The following CGNL1 variants were observed in gnomAD, a reference collection of about 807,000 sequenced individuals.
CGNL1 encodes cingulin like 1.
Under a neutral mutation model 141.2 loss-of-function variants are expected in CGNL1, and 132 were observed. That is an observed-to-expected ratio of 0.93 (90% CI 0.81 to 1.08). The LOEUF (loss-of-function observed/expected upper bound fraction) is 1.08. Among genes scored for constraint, CGNL1 ranks in the 50% least tolerant of loss-of-function variants. CGNL1 has a pLI of 0.00. For missense variants in CGNL1, 1,870 were observed against 1,588.6 expected, an observed-to-expected ratio of 1.18 and a Z score of -3.01; for synonymous variants, 690 against 622.1, an observed-to-expected ratio of 1.11 and a Z score of -1.63.
intron 15 of CGNL1, among the ~76,000 whole-genome samples, chr15:57,544,163 G>A (rs1156405530): frequency 1.3e-5 from 2 of 152,166 alleles, no homozygotes; most frequent in Non-Finnish European, 1.5e-5. Flanking sequence ...TATTTCTCCT[G>A]TCCCCCTGTA....
chr15:57,545,952 G>T, intron 17 of CGNL1, 124 bp from the exon 18 acceptor site: 1 of 1,100,036 alleles, frequency 9.1e-7, no homozygotes, highest in South Asian at 1.6e-5. Flanking sequence ...TGTTTCCCAA[G>T]AGACTGGCTG....
intron 1 of CGNL1, among the ~76,000 whole-genome samples, chr15:57,381,861 C>A (rs562161149): frequency 3.3e-5 from 5 of 152,270 alleles, no homozygotes; most frequent in South Asian, 4.2e-4. Context: ...AAGGCCACTG[C>A]GACCTTGTGA....
chr15:57,531,906 T>C, intron 14 of CGNL1, 127 bp downstream of exon 14: 1 of 641,484 alleles, frequency 1.6e-6, no homozygotes, highest in East Asian at 2.7e-5. Context: ...TGATGGAAGA[T>C]TGAATAGTCA....
intron 1 of CGNL1, chr15:57,402,749 T>G (rs2062674277): frequency 6.6e-6 from 1 of 152,248 alleles, no homozygotes; most frequent in South Asian, 2.1e-4. Context: ...CCAATGGCAT[T>G]GAGGTAAAGA....
intron 7 of CGNL1, among the ~76,000 whole-genome samples, chr15:57,461,101 G>C (rs986379965): frequency 2.0e-5 from 3 of 152,312 alleles, no homozygotes; most frequent in Admixed American, 2.0e-4. Context: ...GTGATTTATA[G>C]TGGAGCCTGT....
chr15:57,528,826 C>A lies in CGNL1; in HGVS notation c.3201+11C>A. On this transcript the variant is annotated intron_variant, in intron 13 of 18. Coordinates refer to ENST00000281282, the MANE Select transcript of CGNL1 (RefSeq NM_032866.5). ...GTCAAGCAGATGGAGGTCTGTGGGC[C>A]GTACAGTGTGAGCTGGGGGACCTGC... The A allele has an allele frequency of 6.2e-7, 1 of 1,612,536 alleles. No individual in the cohort carries two copies. Among genetic ancestry groups the A allele is most frequent in the Non-Finnish European group, 8.5e-7 (1 of 1,179,498 alleles).
chr15:57,501,169 A>G (rs372446068), intron 8 of CGNL1, among the ~76,000 whole-genome samples: 12 of 152,320 alleles, frequency 7.9e-5, no homozygotes, highest in East Asian at 5.8e-4. Context: ...GGCCCTGCCC[A>G]GAAGGGCTCC....
At chr15:57,415,702 C>T (rs1321129228) in intron 1 of CGNL1, among the ~76,000 whole-genome samples, 4 of 152,234 alleles carry the variant, frequency 2.6e-5, no homozygotes, top group Admixed American at 2.6e-4. Flanking sequence ...TCCTCCATCA[C>T]TCTTGTCTCC....
intron 7 of CGNL1, 108 bp downstream of exon 7, chr15:57,453,926 T>C (rs1222300095): frequency 1.8e-5 from 23 of 1,256,754 alleles, no homozygotes; most frequent in Non-Finnish European, 2.5e-5. Flanking sequence ...GCACACCTGC[T>C]CCACCTGTGC....
chr15:57,438,930 A>G lies in CGNL1; in HGVS notation c.931A>G (p.Arg311Gly). 2 of 1,614,192 alleles carry G rather than the reference A, an allele frequency of 1.2e-6. No individual in the cohort carries two copies. Among genetic ancestry groups the G allele is most frequent in the African/African-American group, 1.3e-5 (1 of 75,048 alleles). Residue 311 changes from arginine to glycine, a missense_variant, in exon 2 of 19, where the codon AGG becomes GGG. Coordinates refer to ENST00000281282, the MANE Select transcript of CGNL1 (RefSeq NM_032866.5). Reference sequence around the variant, plus strand: ...TCCCACGTCAGCCAACTCTTTGTACAGGTTTTTACTGGATGATCAGGAATG... The same window carrying G: ...TCCCACGTCAGCCAACTCTTTGTACGGGTTTTTACTGGATGATCAGGAATG... ...TTPTSANSLY[R>G]FLLDDQECAI...
At chr15:57,455,141 C>G (rs1454443755) in intron 7 of CGNL1, among the ~76,000 whole-genome samples, 1 of 152,088 alleles carries the variant, frequency 6.6e-6, no homozygotes, top group Non-Finnish European at 1.5e-5. Context: ...AGAAGATAAA[C>G]CACAATATAT....
intron 8 of CGNL1, among the ~76,000 whole-genome samples, chr15:57,468,335 G>T (rs930054626): frequency 1.4e-5 from 2 of 142,086 alleles, no homozygotes; most frequent in Non-Finnish European, 3.0e-5. Flanking sequence ...CCGCCTCCTG[G>T]GTTCAAGCCA....
chr15:57,434,033 C>T (rs1186514110), intron 1 of CGNL1, among the ~76,000 whole-genome samples: 1 of 140,838 alleles, frequency 7.1e-6, no homozygotes, highest in Non-Finnish European at 1.6e-5. Flanking sequence ...ATCAGGCAGT[C>T]AGGGTTCATC....
rs2031001661 is a variant in CGNL1, at chr15:57,518,445, A to G, written c.2663A>G (p.Lys888Arg). ...EALVHARKEE[K>R]EAVSARRALE... Reference sequence around the variant, plus strand: ...CTTGTGCACGCCAGAAAGGAAGAAAAAGAAGCTGTGTCAGCCAGAAGGGCC... The same window carrying G: ...CTTGTGCACGCCAGAAAGGAAGAAAGAGAAGCTGTGTCAGCCAGAAGGGCC... The change falls in exon 10 of 19, where the codon AAA (lysine) becomes AGA (arginine). Residue 888 changes from lysine to arginine, a missense_variant. Physicochemically the swap from Lys to Arg is conservative, Grantham distance 26. Transcript: ENST00000281282. 1 of 1,613,186 alleles carries G rather than the reference A, an allele frequency of 6.2e-7. No homozygotes were observed. The highest frequency in any genetic ancestry group is 8.5e-7 in the Non-Finnish European group (1 of 1,179,688).
chr15:57,514,999 T>C (rs2030653072), intron 8 of CGNL1, among the ~76,000 whole-genome samples: 1 of 152,228 alleles, frequency 6.6e-6, no homozygotes, highest in African/African-American at 2.4e-5. Flanking sequence ...TCTTGATAAC[T>C]GTAACTTTGT....
rs1287195355 is a variant in CGNL1, at chr15:57,547,845, G to A, written c.*355G>A. 7 of 246,808 alleles carry A rather than the reference G, an allele frequency of 2.8e-5. No homozygotes were observed. The highest frequency in any genetic ancestry group is 1.6e-4 in the African/African-American group (7 of 44,230). 15.3% of individuals were successfully genotyped at this position (246,808 alleles called of 1,614,324 possible). ...CCAAGACAAAGGGTCCAGAAGGCTAGGACTTACTTAATAGCACTGTGCAGG... is the reference window on the plus strand; with the variant it reads ...CCAAGACAAAGGGTCCAGAAGGCTAAGACTTACTTAATAGCACTGTGCAGG... On this transcript the variant is annotated 3_prime_UTR_variant, in exon 19 of 19. Transcript: ENST00000281282.
chr15:57,447,805 CGT>C (rs3985737), intron 4 of CGNL1, among the ~76,000 whole-genome samples: 10,213 of 144,306 alleles, frequency 0.071, 387 homozygotes, highest in Non-Finnish European at 0.097. Context: ...TCTCTCTTTT[CGT>C]GTGTGTGTGT....
chr15:57,489,467 A>T (rs1382952249), intron 8 of CGNL1, among the ~76,000 whole-genome samples: 1 of 152,222 alleles, frequency 6.6e-6, no homozygotes, highest in African/African-American at 2.4e-5. Flanking sequence ...CTTTATATAG[A>T]TAATATTTTT....
intron 12 of CGNL1, among the ~76,000 whole-genome samples, chr15:57,525,565 C>A (rs867539225): frequency 9.2e-5 from 14 of 152,126 alleles, no homozygotes; most frequent in Non-Finnish European, 2.1e-4. Flanking sequence ...GTCTGTACAT[C>A]CCGGACACTT....
Sources: allele counts gnomAD v4.1 joint callset (sites outside exome capture counted in the v4.1 genomes callset), GRCh38; gene constraint gnomAD v4.1.1; transcripts MANE v1.5; gene names NCBI Gene and HGNC (gene_info 2026-07-23, HGNC 2026-07-21).